FLT1: variants seen among roughly 807,000 people sequenced by gnomAD.
The protein encoded by FLT1 is fms related receptor tyrosine kinase 1.
FLT1 carries 49 observed loss-of-function variants against 156.3 expected under a neutral mutation model. The observed-to-expected ratio is 0.31, with a 90% CI of 0.25 to 0.40. FLT1 has a LOEUF of 0.40. FLT1 is among the 10% of genes least tolerant of loss of function. The pLI, the probability that FLT1 is intolerant of heterozygous loss-of-function variation, is 1.00. For missense variants in FLT1, 1,322 were observed against 1,637.2 expected (o/e 0.81, Z 3.32); for synonymous variants, 594 against 583.8 (o/e 1.02, Z -0.25).
At chr13:28,428,716 C>T (rs903505577) in intron 8 of FLT1, among the ~76,000 whole-genome samples, 1 of 152,106 alleles carries the variant, frequency 6.6e-6, no homozygotes, top group South Asian at 2.1e-4. Flanking sequence ...TCTATGATTT[C>T]ATTAAAATGC....
At chr13:28,330,980 C>G (rs915579360) in intron 18 of FLT1, among the ~76,000 whole-genome samples, 1 of 152,204 alleles carries the variant, frequency 6.6e-6, no homozygotes, top group African/African-American at 2.4e-5. Flanking sequence ...AGGCGTGAGC[C>G]ACCACACCCA....
chr13:28,371,637 G>A (rs533694181), intron 14 of FLT1, among the ~76,000 whole-genome samples: 21 of 152,260 alleles, frequency 1.4e-4, no homozygotes, highest in African/African-American at 4.8e-4. Flanking sequence ...AAAGGTGAAA[G>A]TTCTCAACTT....
At chr13:28,368,448 G>A (rs1047530528) in intron 14 of FLT1, 22 of 1,479,856 alleles carry the variant, frequency 1.5e-5, no homozygotes, top group South Asian at 5.5e-5. Context: ...CACCATGCCC[G>A]GCCATTTGTT....
At chr13:28,345,390 C>T (rs759404588) in intron 16 of FLT1, 55 bp downstream of exon 16, 47 of 1,072,470 alleles carry the variant, frequency 4.4e-5, no homozygotes, top group South Asian at 3.6e-4. Context: ...GACATCAGAT[C>T]GGGCTTTTTA....
At chr13:28,388,602 A>AACTGGTGTG in intron 13 of FLT1, 2 of 1,055,750 alleles carry the variant, frequency 1.9e-6, no homozygotes, top group Non-Finnish European at 2.3e-6. Flanking sequence ...CTTGATTTAA[A>AACTGGTGTG]ACTGGTGTGT....
chr13:28,425,675 C>G (rs1320878494), intron 10 of FLT1, among the ~76,000 whole-genome samples: 2 of 151,794 alleles, frequency 1.3e-5, no homozygotes, highest in African/African-American at 4.8e-5. Flanking sequence ...CTCTGTTATT[C>G]CAGAAAAATT....
intron 10 of FLT1, among the ~76,000 whole-genome samples, chr13:28,409,481 T>C (rs1876013621): frequency 6.6e-6 from 1 of 152,008 alleles, no homozygotes; most frequent in African/African-American, 2.4e-5. Flanking sequence ...ACTACATGTG[T>C]GTGCCATCAT....
At chr13:28,313,116 T>A (rs1223533000) in intron 25 of FLT1, among the ~76,000 whole-genome samples, 1 of 152,034 alleles carries the variant, frequency 6.6e-6, no homozygotes, top group African/African-American at 2.4e-5. Flanking sequence ...GTAGCTGGGA[T>A]CACAGGCACC....
chr13:28,450,131 A>C (rs1263181852), intron 3 of FLT1, among the ~76,000 whole-genome samples: 1 of 152,136 alleles, frequency 6.6e-6, no homozygotes, highest in Admixed American at 6.5e-5. Context: ...TGTACCCAGC[A>C]CTGTGCACAC....
At chr13:28,312,454 A>G (rs1014563454) in intron 25 of FLT1, among the ~76,000 whole-genome samples, 10 of 152,116 alleles carry the variant, frequency 6.6e-5, no homozygotes, top group African/African-American at 2.2e-4. Context: ...CTGCAGTTCA[A>G]TGTGAAGTGG....
intron 12 of FLT1, among the ~76,000 whole-genome samples, chr13:28,391,075 G>A (rs374079787): frequency 1.6e-3 from 237 of 152,320 alleles, no homozygotes; most frequent in African/African-American, 5.6e-3. Flanking sequence ...ACCTGAGAGA[G>A]CAAAGATTTC....
rs570765507 is a variant in FLT1 at position 28,368,382 on chromosome 13, C to T, written c.2117-10697G>A. On this transcript the variant is annotated intron_variant, in intron 14 of 29. Transcript: ENST00000282397. ...GGTCAGGCTGGTCTTGAACTCCTGA[C>T]CTCAAATGATCCACCTGCCTTGGCC... 44 of 1,141,506 alleles carry T rather than the reference C, an allele frequency of 3.9e-5. 1 individual carries two copies. The East Asian group carries it at 1.1e-3, about 29-fold the overall frequency. The allele number at this position is 1,141,506 out of a possible 1,614,324, so 70.7% of individuals were successfully genotyped here.
chr13:28,343,103 C>G (rs1462801087), intron 16 of FLT1, among the ~76,000 whole-genome samples: 1 of 152,104 alleles, frequency 6.6e-6, no homozygotes. Context: ...TTCAGCCTCC[C>G]TAGTAGCTAG....
At chr13:28,494,651 C>T (rs1003242950) in intron 1 of FLT1, 129 bp downstream of exon 1, 10 of 702,742 alleles carry the variant, frequency 1.4e-5, no homozygotes, top group African/African-American at 1.1e-4. Context: ...CCCAGGTTCT[C>T]GCCGTAGCCA....
At chr13:28,374,542 C>G (rs1873760104) in intron 14 of FLT1, among the ~76,000 whole-genome samples, 1 of 151,672 alleles carries the variant, frequency 6.6e-6, no homozygotes, top group South Asian at 2.1e-4. Context: ...GATGGAGTCT[C>G]GCTCTGTCGC....
chr13:28,383,887 G>T (rs1228611740), intron 14 of FLT1, among the ~76,000 whole-genome samples: 2 of 152,024 alleles, frequency 1.3e-5, no homozygotes, highest in Non-Finnish European at 2.9e-5. Context: ...TATGCAGGAA[G>T]GTATGTGTAG....
chr13:28,400,343 A>AATT, intron 11 of FLT1, among the ~76,000 whole-genome samples: 1 of 152,368 alleles, frequency 6.6e-6, no homozygotes, highest in East Asian at 1.9e-4. Context: ...TTTGATAAAT[A>AATT]CAATGGTTAT....
chr13:28,374,183 A>G (rs534962135), intron 14 of FLT1, among the ~76,000 whole-genome samples: 1 of 152,142 alleles, frequency 6.6e-6, no homozygotes, highest in East Asian at 1.9e-4. Context: ...GATAAAATTT[A>G]TGTTATGTGC....
Position 28,372,580 on chromosome 13 carries a change from A to G in FLT1, c.2116+12305T>C, listed in dbSNP as rs1234515251. Among the ~76,000 whole-genome samples, 22 of 125,814 alleles carry G rather than the reference A, an allele frequency of 1.7e-4. 1 individual carries two copies. The highest frequency in any genetic ancestry group is 5.7e-4 in the African/African-American group (20 of 35,218). The allele number at this position is 125,814 out of a possible 152,430, so 82.5% of individuals were successfully genotyped here. ...TTAAATAAAATGTATATATATATAT[A>G]TATATATATATATATATATATAGCT... On this transcript the variant is annotated intron_variant, in intron 14 of 29. Transcript: ENST00000282397.
Sources: gnomAD v4.1 joint callset for allele counts (sites outside exome capture counted in the v4.1 genomes callset) on GRCh38, gnomAD v4.1.1 for gene constraint, MANE v1.5 for transcripts, NCBI Gene and HGNC (gene_info 2026-07-23, HGNC 2026-07-21) for gene names.